Variants in HTT observed in about 807,000 individuals in gnomAD.
The protein encoded by HTT is huntingtin, also known as huntington disease protein.
In HTT, 104 loss-of-function variants were observed where a neutral mutation model predicts 362.3. That is an observed-to-expected ratio of 0.29 (90% CI 0.24 to 0.34). The LOEUF (loss-of-function observed/expected upper bound fraction) is 0.34, where lower values mean the gene tolerates loss of function less well. HTT is among the 10% of genes least tolerant of loss of function. The probability of loss-of-function intolerance (pLI) is 1.00; values close to 1 mark genes in which losing one functional copy is unlikely to be tolerated. For synonymous variants in HTT, 1,577 were observed against 1,548.7 expected, an observed-to-expected ratio of 1.02 and a Z score of -0.43; for missense variants, 3,301 against 3,928.6, an observed-to-expected ratio of 0.84 and a Z score of 4.27.
intron 29 of HTT, among the ~76,000 whole-genome samples, chr4:3,167,969 A>G (rs1489467300): frequency 6.6e-6 from 1 of 152,080 alleles, no homozygotes; most frequent in African/African-American, 2.4e-5. Flanking sequence ...GCTTTCTCGC[A>G]TATCCTTTTG....
intron 51 of HTT, among the ~76,000 whole-genome samples, chr4:3,216,402 C>A (rs1459735637): frequency 6.6e-6 from 1 of 152,208 alleles, no homozygotes; most frequent in African/African-American, 2.4e-5. Flanking sequence ...GGCTGTGGAT[C>A]CTGTGCTTCT....
At chr4:3,170,871 C>G (rs1717941769) in intron 29 of HTT, among the ~76,000 whole-genome samples, 1 of 152,296 alleles carries the variant, frequency 6.6e-6, no homozygotes, top group African/African-American at 2.4e-5. Flanking sequence ...CAGTCCCTCA[C>G]CCTCATTGTG....
chr4:3,179,160 C>T (rs80229013), intron 35 of HTT, among the ~76,000 whole-genome samples: 12 of 152,260 alleles, frequency 7.9e-5, no homozygotes, highest in East Asian at 3.9e-4. Context: ...AGAGTCTTTT[C>T]GACTCAGCGT....
At chr4:3,084,837 C>A (rs539920492) in intron 1 of HTT, among the ~76,000 whole-genome samples, 1 of 151,602 alleles carries the variant, frequency 6.6e-6, no homozygotes, top group East Asian at 2.0e-4. Flanking sequence ...CACGGTGAAA[C>A]CCCGTCTCTA....
intron 1 of HTT, among the ~76,000 whole-genome samples, chr4:3,077,812 T>C (rs574836297): frequency 6.6e-6 from 1 of 152,218 alleles, no homozygotes; most frequent in Non-Finnish European, 1.5e-5. Flanking sequence ...AAATGCATAT[T>C]TGTCATATTT....
intron 1 of HTT, among the ~76,000 whole-genome samples, chr4:3,077,167 G>A (rs1712600992): frequency 1.3e-5 from 2 of 152,062 alleles, no homozygotes; most frequent in South Asian, 4.2e-4. Context: ...GACAGAGCGA[G>A]ACTCTATCTC....
chr4:3,141,082 A>G lies in HTT; in HGVS notation c.2945+426A>G, dbSNP rs553412791. On this transcript the variant is annotated intron_variant, in intron 22 of 66. Transcript: ENST00000355072. ...ATCCACTAGTTCAGTGATTTGCGAGATTATCATTCACATTTATTGTGGAGC... is the reference window on the plus strand; with the variant it reads ...ATCCACTAGTTCAGTGATTTGCGAGGTTATCATTCACATTTATTGTGGAGC... 1.4e-4 allele frequency among the ~76,000 whole-genome samples: 22 copies of G among 152,302 alleles called. No homozygotes were observed. In the South Asian group the frequency reaches 4.6e-3, roughly 32 times the overall value.
intron 50 of HTT, among the ~76,000 whole-genome samples, chr4:3,214,855 G>T (rs892626669): frequency 1.8e-4 from 28 of 152,170 alleles, no homozygotes; most frequent in African/African-American, 6.8e-4. Context: ...GTGAGAGATG[G>T]CCAACAGGAG....
Position 3,217,889 on chromosome 4 carries a change from G to C in HTT, c.7179G>C (p.Arg2393Ser), listed in dbSNP as rs747924353. The change falls in exon 52 of 67, where the codon AGG becomes AGC. Residue 2393 changes from arginine to serine, a missense_variant. By Grantham distance (110) the Arg-to-Ser change is moderately radical. Coordinates refer to ENST00000355072, the MANE Select transcript of HTT (RefSeq NM_001388492.1). ...GVPAFLTPLL[R>S]NIIISLARLP... is the part of the protein sequence containing the mutation. Reference sequence around the variant, plus strand: ...CGGCGTTTCTCACGCCATTGCTAAGGAACATCATCATCAGCCTGGCCCGCC... The same window carrying C: ...CGGCGTTTCTCACGCCATTGCTAAGCAACATCATCATCAGCCTGGCCCGCC... 1 of 1,614,106 alleles carries C rather than the reference G, an allele frequency of 6.2e-7. No individual in the cohort carries two copies. Among genetic ancestry groups the C allele is most frequent in the East Asian group, 2.2e-5 (1 of 44,894 alleles).
rs768838354 is a variant in HTT, at chr4:3,238,456, A to G, written c.8901A>G (p.Lys2967=). ...RVSVLFDRIR[K]GFPCEARVVA... ...GCGTCCCTCCTCCCAGGATCAGGAA[A>G]GGCTTTCCTTGTGAAGCCAGAGTGG... The change falls in exon 65 of 67, where the codon AAA becomes AAG. Residue 2967 remains lysine, a synonymous_variant. Coordinates refer to ENST00000355072, the MANE Select transcript of HTT (RefSeq NM_001388492.1). 2.2e-5 allele frequency: 35 copies of G among 1,609,722 alleles called. No individual in the cohort carries two copies. The highest frequency in any genetic ancestry group is 4.5e-5 in the East Asian group (2 of 44,766).
rs919710465 is a variant in HTT, at chr4:3,243,362, G to T, written c.*3303G>T. 3.3e-5 allele frequency: 5 copies of T among 152,584 alleles called. No homozygotes were observed. The highest frequency in any genetic ancestry group is 1.2e-4 in the African/African-American group (5 of 41,472). The allele number at this position is 152,584 out of a possible 1,614,324, so 9.5% of individuals were successfully genotyped here. A position where few individuals can be genotyped will look rare whatever the true frequency, so the allele number is the denominator to read the frequency against. On this transcript the variant is annotated 3_prime_UTR_variant, in exon 67 of 67. Coordinates refer to ENST00000355072, the MANE Select transcript of HTT (RefSeq NM_001388492.1). ...GACCCGGGACCACAGCTGCTGGCCA[G>T]GGTAGACTTGGAGCTGTCCTCCAGA...
rs767899201 is a variant in HTT at position 3,074,810 on chromosome 4, C to T, written c.-16C>T. 4.0e-6 allele frequency: 6 copies of T among 1,511,816 alleles called. No homozygotes were observed. The highest frequency in any genetic ancestry group is 2.0e-5 in the Admixed American group (1 of 49,154). The allele number at this position is 1,511,816 out of a possible 1,614,324, so 93.7% of individuals were successfully genotyped here. The stretch of plus-strand genomic sequence containing the variant: ...CCGAGGCCTCCGGGGACTGCCGTGC[C>T]GGGCGGGAGACCGCCATGGCGACCC... On this transcript the variant is annotated 5_prime_UTR_variant, in exon 1 of 67. Transcript: ENST00000355072.
At position 3,200,018 on chromosome 4, in the gene HTT, C is replaced by T. The variant is rs959914342; in HGVS notation, c.5576+79C>T. The T allele has an allele frequency of 8.3e-6, 10 of 1,199,318 alleles. No homozygotes were observed. In the Admixed American group the frequency reaches 1.5e-4, roughly 18 times the overall value. The allele number at this position is 1,199,318 out of a possible 1,614,324, so 74.3% of individuals were successfully genotyped here. On this transcript the variant is annotated intron_variant, in intron 41 of 66. Transcript: ENST00000355072. ...GACTCCCAGTAACCTGAGCTTTGGC[C>T]ACCGTTAAAGCATTTTCATTTTCCA...
chr4:3,157,046 T>G (rs375057287), intron 27 of HTT, 26 bp from the exon 28 acceptor site: 2 of 1,564,330 alleles, frequency 1.3e-6, no homozygotes, highest in Non-Finnish European at 1.7e-6. Context: ...TCTAAAAGTT[T>G]ATCTTTTGTG....
intron 6 of HTT, among the ~76,000 whole-genome samples, chr4:3,107,791 C>T (rs1304700622): frequency 5.3e-5 from 8 of 152,196 alleles, no homozygotes; most frequent in East Asian, 1.9e-4. Context: ...TGGGTCTGAA[C>T]GTCCTGCAGC....
At chr4:3,150,813 C>T (rs1404283393) in intron 26 of HTT, among the ~76,000 whole-genome samples, 2 of 152,124 alleles carry the variant, frequency 1.3e-5, no homozygotes, top group African/African-American at 4.8e-5. Context: ...GAGACCAGTG[C>T]ATCACAAGGT....
intron 3 of HTT, among the ~76,000 whole-genome samples, chr4:3,100,221 T>A (rs1714084863): frequency 6.6e-6 from 1 of 152,128 alleles, no homozygotes; most frequent in Admixed American, 6.6e-5. Context: ...AGTGTGTGTC[T>A]GTGTATGTGT....
chr4:3,106,205 A>G (rs1255116761), intron 5 of HTT, among the ~76,000 whole-genome samples: 2 of 152,050 alleles, frequency 1.3e-5, no homozygotes, highest in Admixed American at 1.3e-4. Context: ...AAAATACAAA[A>G]CTTAGCCAGG....
intron 4 of HTT, 146 bp from the exon 5 acceptor site, chr4:3,105,211 A>C (rs1464179619): frequency 6.5e-6 from 4 of 617,200 alleles, no homozygotes; most frequent in Non-Finnish European, 1.2e-5. Flanking sequence ...ACTAGACCTT[A>C]AAGTAGTTAC....
Sources: allele counts gnomAD v4.1 joint callset (sites outside exome capture counted in the v4.1 genomes callset), GRCh38; gene constraint gnomAD v4.1.1; transcripts MANE v1.5; gene names NCBI Gene and HGNC (gene_info 2026-07-23, HGNC 2026-07-21).